Variants in HYDIN observed in about 807,000 individuals in gnomAD.
HYDIN encodes the protein axonemal central pair apparatus protein HYDIN.
HYDIN carries 132 observed loss-of-function variants against 403.9 expected under a neutral mutation model. The ratio of observed to expected loss-of-function variants is 0.33; its 90% CI spans 0.28 to 0.38. The LOEUF is 0.38. HYDIN is among the 10% of genes least tolerant of loss of function. The probability of loss-of-function intolerance (pLI) is 1.00; values close to 1 mark genes in which losing one functional copy is unlikely to be tolerated. For missense variants in HYDIN, 2,827 were observed against 5,009.5 expected (o/e 0.56, Z 13.15); for synonymous variants, 1,202 against 1,891.7 (o/e 0.64, Z 9.46).
At chr16:70,833,494 T>A (rs1251903699) in intron 79 of HYDIN, among the ~76,000 whole-genome samples, 1 of 131,936 alleles carries the variant, frequency 7.6e-6, no homozygotes, top group Non-Finnish European at 1.6e-5. Context: ...ATGGCGACAA[T>A]CCCTTCCCGT....
At chr16:71,000,064 T>G (rs1261083468) in intron 23 of HYDIN, among the ~76,000 whole-genome samples, 3 of 150,340 alleles carry the variant, frequency 2.0e-5, no homozygotes, top group Non-Finnish European at 4.4e-5. Flanking sequence ...AAAGTCAATT[T>G]CTTTTAATGT....
rs140449819 is a variant in HYDIN at position 71,039,272 on chromosome 16, T to C, written c.2530-7355A>G. On this transcript the variant is annotated intron_variant, in intron 18 of 85. Coordinates refer to ENST00000393567, the MANE Select transcript of HYDIN (RefSeq NM_001270974.2). ...TAAGCATCTAGCACCTCGTCTATCA[T>C]AGATTACATGCTCAGTCAGTGGTGA... Among the ~76,000 whole-genome samples the C allele has an allele frequency of 5.8e-4, 89 of 152,324 alleles. No individual in the cohort carries two copies. In the Middle Eastern group the frequency reaches 0.034, roughly 58 times the overall value.
At chr16:70,980,525 C>CTATA (rs759584043) in intron 29 of HYDIN, among the ~76,000 whole-genome samples, 2,523 of 143,766 alleles carry the variant, frequency 0.018, 78 homozygotes, top group African/African-American at 0.06. Flanking sequence ...AGGGTCTTGC[C>CTATA]TATATATATA....
chr16:71,150,789 A>T (rs1229504965), intron 7 of HYDIN, among the ~76,000 whole-genome samples: 8 of 152,240 alleles, frequency 5.3e-5, no homozygotes, highest in Admixed American at 4.6e-4. Flanking sequence ...GACTTGGAGA[A>T]AATATTAATA....
chr16:71,036,743 A>G (rs896840108), intron 18 of HYDIN, among the ~76,000 whole-genome samples: 3 of 151,576 alleles, frequency 2.0e-5, no homozygotes, highest in Admixed American at 2.0e-4. Flanking sequence ...TGCAAGACAA[A>G]GACACATTAA....
intron 23 of HYDIN, among the ~76,000 whole-genome samples, chr16:70,997,814 T>C (rs1439525565): frequency 6.6e-6 from 1 of 151,824 alleles, no homozygotes; most frequent in Non-Finnish European, 1.5e-5. Flanking sequence ...TAGTCAAGAG[T>C]ACTGTAGTTA....
intron 1 of HYDIN, among the ~76,000 whole-genome samples, chr16:71,212,753 GATA>G (rs1555509482): frequency 6.6e-6 from 1 of 152,082 alleles, no homozygotes; most frequent in Non-Finnish European, 1.5e-5. Context: ...AGAGAAGAGA[GATA>G]ATGAGTCAGA....
chr16:70,824,849 CT>C (rs907644978), intron 83 of HYDIN, among the ~76,000 whole-genome samples: 22 of 149,354 alleles, frequency 1.5e-4, no homozygotes, highest in African/African-American at 4.2e-4. Context: ...GGGTGGGTTA[CT>C]TTTTTTTTTC....
At chr16:71,105,017 T>A in intron 10 of HYDIN, among the ~76,000 whole-genome samples, 1 of 136,358 alleles carries the variant, frequency 7.3e-6, no homozygotes. Context: ...TTTGAGGTAA[T>A]AAAAAAAAGT....
At chr16:71,061,895 TCAGA>T (rs2082098716) in intron 17 of HYDIN, among the ~76,000 whole-genome samples, 1 of 143,144 alleles carries the variant, frequency 7.0e-6, no homozygotes, top group Non-Finnish European at 1.5e-5. Flanking sequence ...TGTGTGTGTG[TCAGA>T]GAGAGAGAGA....
intron 20 of HYDIN, among the ~76,000 whole-genome samples, chr16:71,026,409 C>T (rs1408560417): frequency 1.3e-5 from 2 of 152,160 alleles, no homozygotes; most frequent in Non-Finnish European, 2.9e-5. Context: ...GAAGAACATT[C>T]GGGGATGCTT....
rs538749820 is a variant in HYDIN, at chr16:70,938,892, G to C, written c.6854-137C>G. ...CTGCCTCATCCCTGATTGCAGGGGT[G>C]GGGGGGTCCCTTCATCCATGCACTT... On this transcript the variant is annotated intron_variant, in intron 43 of 85. Transcript: ENST00000393567. The C allele has an allele frequency of 4.1e-5, 26 of 641,646 alleles. No individual in the cohort carries two copies. The East Asian group carries it at 4.1e-4, about 10-fold the overall frequency. 39.7% of individuals were successfully genotyped at this position (641,646 alleles called of 1,614,324 possible).
At chr16:70,886,155 T>C (rs2041120227) in intron 58 of HYDIN, among the ~76,000 whole-genome samples, 1 of 151,868 alleles carries the variant, frequency 6.6e-6, no homozygotes, top group Non-Finnish European at 1.5e-5. Flanking sequence ...CCTCCTCCTC[T>C]GTGAAGCCTT....
At chr16:71,065,818 C>T (rs1216992597) in intron 15 of HYDIN, among the ~76,000 whole-genome samples, 7 of 152,328 alleles carry the variant, frequency 4.6e-5, no homozygotes, top group Non-Finnish European at 7.3e-5. Context: ...TCACTGCTGG[C>T]TCTCAGGAGA....
intron 23 of HYDIN, among the ~76,000 whole-genome samples, chr16:71,002,927 G>A (rs1278558238): frequency 6.6e-6 from 1 of 151,794 alleles, no homozygotes; most frequent in African/African-American, 2.4e-5. Flanking sequence ...ACCTGCCTTG[G>A]CCTCCCAAAG....
intron 6 of HYDIN, among the ~76,000 whole-genome samples, chr16:71,158,386 A>ATAGG (rs1206688693): frequency 6.6e-6 from 1 of 152,172 alleles, no homozygotes; most frequent in African/African-American, 2.4e-5. Context: ...ATTCATATTC[A>ATAGG]TAGGTAGATA....
intron 5 of HYDIN, among the ~76,000 whole-genome samples, chr16:71,173,098 G>T (rs1248040660): frequency 6.6e-6 from 1 of 152,158 alleles, no homozygotes; most frequent in African/African-American, 2.4e-5. Context: ...CCAGCAAAAT[G>T]AGAAAACAAC....
At chr16:71,218,245 T>C (rs779699023) in intron 1 of HYDIN, among the ~76,000 whole-genome samples, 69 of 152,234 alleles carry the variant, frequency 4.5e-4, no homozygotes, top group Non-Finnish European at 7.9e-4. Flanking sequence ...TTAATCCCAA[T>C]GTGGTAAGAA....
intron 13 of HYDIN, 21 bp from the exon 14 acceptor site, chr16:71,069,523 T>C (rs754508944): frequency 1.2e-6 from 2 of 1,606,736 alleles, no homozygotes; most frequent in South Asian, 1.1e-5. Flanking sequence ...AAATATGATG[T>C]GAGAAATAAA....
Sources: gnomAD v4.1 joint callset for allele counts (sites outside exome capture counted in the v4.1 genomes callset) on GRCh38, gnomAD v4.1.1 for gene constraint, MANE v1.5 for transcripts, NCBI Gene and HGNC (gene_info 2026-07-23, HGNC 2026-07-21) for gene names.